Variants in ERBB4 observed in about 807,000 individuals in gnomAD.
ERBB4 encodes the protein receptor tyrosine-protein kinase erbB-4.
Under a neutral mutation model 158.0 loss-of-function variants are expected in ERBB4, and 42 were observed. That is an observed-to-expected ratio of 0.27 (90% CI 0.21 to 0.34). ERBB4 has a LOEUF of 0.34. ERBB4 is among the 10% of genes least tolerant of loss of function. ERBB4 has a pLI of 1.00. For synonymous variants in ERBB4, 583 were observed against 558.7 expected (o/e 1.04, Z -0.61); for missense variants, 1,333 against 1,624.1 (o/e 0.82, Z 3.08).
intron 20 of ERBB4, among the ~76,000 whole-genome samples, chr2:211,550,545 C>T (rs2067060050): frequency 6.8e-6 from 1 of 146,014 alleles, no homozygotes; most frequent in Non-Finnish European, 1.5e-5. Context: ...ACTCATCAGC[C>T]TCCATAATCT....
intron 19 of ERBB4, among the ~76,000 whole-genome samples, chr2:211,588,524 C>T (rs183799157): frequency 4.7e-4 from 72 of 152,126 alleles, no homozygotes; most frequent in Non-Finnish European, 4.1e-4. Flanking sequence ...TTATAACTGA[C>T]ATTTAAATTA....
At chr2:212,427,460 T>C (rs752917385) in intron 1 of ERBB4, among the ~76,000 whole-genome samples, 4 of 152,266 alleles carry the variant, frequency 2.6e-5, no homozygotes, top group East Asian at 1.9e-4. Flanking sequence ...CCTTCAAACT[T>C]ATTTTGGGTT....
chr2:211,458,161 C>A (rs899216318), intron 20 of ERBB4, among the ~76,000 whole-genome samples: 4 of 140,374 alleles, frequency 2.8e-5, no homozygotes, highest in Non-Finnish European at 4.7e-5. Context: ...CCTGTTGACA[C>A]TGAGGTCACA....
At chr2:212,445,099 C>T in intron 1 of ERBB4, among the ~76,000 whole-genome samples, 1 of 151,878 alleles carries the variant, frequency 6.6e-6, no homozygotes, top group East Asian at 1.9e-4. Context: ...ACTGGTCTTA[C>T]CATGTTCCCC....
chr2:212,327,408 A>G (rs2087898261), intron 1 of ERBB4, among the ~76,000 whole-genome samples: 1 of 151,952 alleles, frequency 6.6e-6, no homozygotes, highest in East Asian at 1.9e-4. Context: ...TGTTCTCACA[A>G]ATAATGAGTT....
chr2:212,181,618 G>A (rs897630054), intron 1 of ERBB4, among the ~76,000 whole-genome samples: 1 of 151,594 alleles, frequency 6.6e-6, no homozygotes, highest in Non-Finnish European at 1.5e-5. Context: ...ACTGCAATGC[G>A]TAGCAGTTAT....
intron 2 of ERBB4, among the ~76,000 whole-genome samples, chr2:211,981,545 T>A (rs544121056): frequency 6.6e-6 from 1 of 152,344 alleles, no homozygotes; most frequent in East Asian, 1.9e-4. Flanking sequence ...TATGCTGCAA[T>A]GACACTGAAC....
intron 3 of ERBB4, among the ~76,000 whole-genome samples, chr2:211,878,037 G>A (rs2078556184): frequency 6.6e-6 from 1 of 152,192 alleles, no homozygotes; most frequent in Admixed American, 6.5e-5. Flanking sequence ...GAACCCAGGA[G>A]GCAGAGGTTG....
chr2:212,419,374 A>C (rs887918435), intron 1 of ERBB4, among the ~76,000 whole-genome samples: 7 of 151,888 alleles, frequency 4.6e-5, no homozygotes, highest in Admixed American at 3.9e-4. Context: ...GACATCCATT[A>C]AATTGTGTAT....
intron 1 of ERBB4, among the ~76,000 whole-genome samples, chr2:212,466,579 C>T (rs964909359): frequency 6.6e-6 from 1 of 152,188 alleles, no homozygotes; most frequent in African/African-American, 2.4e-5. Flanking sequence ...ATATGACTTG[C>T]TCCTACTTGC....
chr2:211,929,336 T>C (rs2080109698), intron 3 of ERBB4, among the ~76,000 whole-genome samples: 1 of 152,012 alleles, frequency 6.6e-6, no homozygotes, highest in Non-Finnish European at 1.5e-5. Context: ...TTTTACTCTT[T>C]CTCTTGGCAG....
At chr2:212,361,155 T>C (rs74386111) in intron 1 of ERBB4, among the ~76,000 whole-genome samples, 2,337 of 151,748 alleles carry the variant, frequency 0.015, 54 homozygotes, top group African/African-American at 0.053. Context: ...TAATTAAAGT[T>C]TCAGGATAAG....
chr2:211,745,612 A>T (rs1231382214), intron 5 of ERBB4, among the ~76,000 whole-genome samples: 1 of 151,956 alleles, frequency 6.6e-6, no homozygotes, highest in African/African-American at 2.4e-5. Flanking sequence ...CCAGTTTATT[A>T]TAATATCGGC....
intron 5 of ERBB4, among the ~76,000 whole-genome samples, chr2:211,749,970 T>C (rs2106207520): frequency 6.6e-6 from 1 of 152,296 alleles, no homozygotes; most frequent in Admixed American, 6.5e-5. Context: ...TTCATGAAAG[T>C]TCAGTGCTGG....
At chr2:211,960,431 G>C (rs2125172502) in intron 2 of ERBB4, among the ~76,000 whole-genome samples, 1 of 152,084 alleles carries the variant, frequency 6.6e-6, no homozygotes, top group East Asian at 1.9e-4. Flanking sequence ...AATAATAGAG[G>C]ACCAATTCAC....
chr2:212,516,840 T>C (rs1049776563), intron 1 of ERBB4, among the ~76,000 whole-genome samples: 8 of 152,108 alleles, frequency 5.3e-5, no homozygotes, highest in African/African-American at 1.7e-4. Context: ...CATCAGGCTG[T>C]CTGATTTCAC....
intron 1 of ERBB4, among the ~76,000 whole-genome samples, chr2:212,153,496 A>T (rs549333952): frequency 6.6e-6 from 1 of 152,306 alleles, no homozygotes; most frequent in East Asian, 1.9e-4. Flanking sequence ...GTGTCTAAGT[A>T]GGACACTTAG....
chr2:212,445,636 A>C (rs1228052950), intron 1 of ERBB4, among the ~76,000 whole-genome samples: 1 of 152,236 alleles, frequency 6.6e-6, no homozygotes, highest in Non-Finnish European at 1.5e-5. Flanking sequence ...CAGGAGATCC[A>C]TTAGGGCATA....
intron 1 of ERBB4, among the ~76,000 whole-genome samples, chr2:212,283,068 C>T (rs1559919788): frequency 6.6e-6 from 1 of 151,790 alleles, no homozygotes; most frequent in African/African-American, 2.4e-5. Context: ...TCTTACTGAT[C>T]ATTTCATTAA....
Sources: gnomAD v4.1 joint callset for allele counts (sites outside exome capture counted in the v4.1 genomes callset) on GRCh38, gnomAD v4.1.1 for gene constraint, MANE v1.5 for transcripts, NCBI Gene and HGNC (gene_info 2026-07-23, HGNC 2026-07-21) for gene names.